ABLIM3: variants seen among roughly 807,000 people sequenced by gnomAD.
ABLIM3 encodes the protein actin-binding LIM protein 3.
ABLIM3 carries 61 observed loss-of-function variants against 109.5 expected under a neutral mutation model. That is an observed-to-expected ratio of 0.56 (90% CI 0.45 to 0.69). The LOEUF (loss-of-function observed/expected upper bound fraction) is 0.69, where lower values mean the gene tolerates loss of function less well. Ranked by LOEUF, ABLIM3 falls within the 30% of genes least tolerant of loss-of-function variation. ABLIM3 has a pLI of 0.00. For missense variants in ABLIM3, 796 were observed against 889.5 expected, an observed-to-expected ratio of 0.89 and a Z score of 1.34; for synonymous variants, 300 against 324.8, an observed-to-expected ratio of 0.92 and a Z score of 0.82.
chr5:149,202,621 A>T (rs1758594042), intron 5 of ABLIM3, among the ~76,000 whole-genome samples: 1 of 152,196 alleles, frequency 6.6e-6, no homozygotes, highest in African/African-American at 2.4e-5. Context: ...AGAACAAAAT[A>T]ATTGGGGTTT....
chr5:149,155,899 G>A (rs922301688), intron 2 of ABLIM3, among the ~76,000 whole-genome samples: 1 of 152,236 alleles, frequency 6.6e-6, no homozygotes, highest in Non-Finnish European at 1.5e-5. Flanking sequence ...TGAGGAGTCA[G>A]GAGAGGTTTG....
chr5:149,240,723 A>C lies in ABLIM3; in HGVS notation c.1252A>C (p.Arg418=). 6.2e-7 allele frequency: 1 copy of C among 1,614,120 alleles called. No individual in the cohort carries two copies. Among genetic ancestry groups the C allele is most frequent in the Non-Finnish European group, 8.5e-7 (1 of 1,180,028 alleles). The change falls in exon 14 of 24, where the codon AGG becomes CGG. Residue 418 remains arginine (R), a synonymous_variant. Transcript: ENST00000309868. ...SSPYHSQLDV[R]SSTPTSYQAP... ...TCCATACCATAGCCAGTTAGATGTG[A>C]GGTCCTCCACTCCAACCTCTTACCA...
intron 23 of ABLIM3, among the ~76,000 whole-genome samples, chr5:149,256,876 G>T (rs1754476416): frequency 6.6e-6 from 1 of 152,006 alleles, no homozygotes; most frequent in Non-Finnish European, 1.5e-5. Flanking sequence ...TTTTTTAATG[G>T]GGTTGACCAA....
At chr5:149,141,896 G>A in intron 1 of ABLIM3, 113 bp from the exon 2 acceptor site, 1 of 738,934 alleles carries the variant, frequency 1.4e-6, no homozygotes, top group East Asian at 2.5e-5. Flanking sequence ...GCGCCTATTA[G>A]TCCACGCGCC....
intron 7 of ABLIM3, among the ~76,000 whole-genome samples, chr5:149,215,964 C>T (rs1398305337): frequency 6.6e-6 from 1 of 152,120 alleles, no homozygotes; most frequent in African/African-American, 2.4e-5. Context: ...CTGTTTCTTC[C>T]CCCCATGGAA....
chr5:149,245,146 G>A (rs1753224280), intron 16 of ABLIM3, 131 bp downstream of exon 16: 3 of 1,267,540 alleles, frequency 2.4e-6, no homozygotes, highest in African/African-American at 3.0e-5. Flanking sequence ...ATAACTAAGG[G>A]TGTTTATTCA....
At chr5:149,212,771 G>A (rs977149559) in intron 7 of ABLIM3, among the ~76,000 whole-genome samples, 10 of 152,186 alleles carry the variant, frequency 6.6e-5, no homozygotes, top group African/African-American at 2.2e-4. Context: ...AACATGGCGA[G>A]TACCATTTAG....
chr5:149,251,311 C>T, intron 20 of ABLIM3, 48 bp from the exon 21 acceptor site: 2 of 1,610,314 alleles, frequency 1.2e-6, no homozygotes, highest in Non-Finnish European at 1.7e-6. Context: ...TTCAGGGAGG[C>T]AGAGGTGAGC....
intron 2 of ABLIM3, among the ~76,000 whole-genome samples, chr5:149,143,047 AT>A (rs1752627741): frequency 6.6e-6 from 1 of 152,086 alleles, no homozygotes; most frequent in Non-Finnish European, 1.5e-5. Context: ...GCTCATCTGT[AT>A]GATGAGAGGG....
At position 149,242,521 on chromosome 5, in the gene ABLIM3, C is replaced by T. The variant is rs774619099; in HGVS notation, c.1334C>T (p.Pro445Leu). The T allele has an allele frequency of 1.5e-5, 25 of 1,613,968 alleles. No homozygotes were observed. Among genetic ancestry groups the T allele is most frequent in the Non-Finnish European group, 1.8e-5 (21 of 1,180,018 alleles). The change falls in exon 15 of 24, where the codon CCG becomes CTG. Residue 445 changes from proline (P) to leucine (L), a missense_variant. Pro to Leu is a moderately conservative substitution (Grantham distance 98). Transcript: ENST00000309868. Reference sequence around the variant, plus strand: ...GACAGTAACATCTACCGGAAACCCCCGATCTACAAACGGCATGGTATGGTC... The same window carrying T: ...GACAGTAACATCTACCGGAAACCCCTGATCTACAAACGGCATGGTATGGTC... ...AGDSNIYRKP[P>L]IYKRHGDLST...
chr5:149,161,927 C>T (rs190678532), intron 2 of ABLIM3, among the ~76,000 whole-genome samples: 104 of 151,484 alleles, frequency 6.9e-4, no homozygotes, highest in Middle Eastern at 3.4e-3. Flanking sequence ...TGTGTGTGTG[C>T]GCCTATAGAG....
intron 2 of ABLIM3, among the ~76,000 whole-genome samples, chr5:149,179,725 A>G (rs947652533): frequency 6.6e-6 from 1 of 151,880 alleles, no homozygotes; most frequent in African/African-American, 2.4e-5. Flanking sequence ...ATCAGGCTGT[A>G]CTGTCATTAT....
At chr5:149,237,754 G>A (rs919818624) in intron 11 of ABLIM3, 151 bp downstream of exon 11, 12 of 1,044,786 alleles carry the variant, frequency 1.1e-5, no homozygotes, top group Non-Finnish European at 1.6e-5. Flanking sequence ...TTTTTTAAAT[G>A]AAGAGATTTC....
chr5:149,183,798 C>T (rs1489474619), intron 3 of ABLIM3, among the ~76,000 whole-genome samples: 1 of 152,126 alleles, frequency 6.6e-6, no homozygotes, highest in East Asian at 1.9e-4. Flanking sequence ...ATCCTGGTAA[C>T]CTTGGAGGGG....
At position 149,144,798 on chromosome 5, in the gene ABLIM3, A is replaced by G. The variant is rs1053670999; in HGVS notation, c.13+2690A>G. ...CATTTGACACTGAGTACAACTCCTA[A>G]TCAATGATTCAAATGTCAACACTGA... is the stretch of plus-strand genomic sequence containing the variant. On this transcript the variant is annotated intron_variant, in intron 2 of 23. Transcript: ENST00000309868. Among the ~76,000 whole-genome samples, 5 of 152,320 alleles carry G rather than the reference A, an allele frequency of 3.3e-5. No homozygotes were observed. In the South Asian group the frequency reaches 8.3e-4, roughly 25 times the overall value.
intron 3 of ABLIM3, among the ~76,000 whole-genome samples, chr5:149,196,096 G>T (rs980566816): frequency 6.6e-6 from 1 of 152,060 alleles, no homozygotes; most frequent in African/African-American, 2.4e-5. Context: ...GAGACCAGAG[G>T]TTGGGTGGTC....
chr5:149,200,330 T>C lies in ABLIM3; in HGVS notation c.350T>C (p.Ile117Thr), dbSNP rs774374268. The change falls in exon 5 of 24, where the codon ATT (isoleucine) becomes ACT (threonine). Residue 117 changes from isoleucine (I) to threonine (T), a missense_variant. Transcript: ENST00000309868. ...CCCACTTGCAGGAAGCCTTTCCCCA[T>C]TGGAGACAAGGTGACCTTCAGCGGT... Reference protein sequence around the residue: ...VCSLCRKPFPIGDKVTFSGKE... With the variant: ...VCSLCRKPFPTGDKVTFSGKE... 20 of 1,614,208 alleles carry C rather than the reference T, an allele frequency of 1.2e-5. No individual in the cohort carries two copies. Among genetic ancestry groups the C allele is most frequent in the South Asian group, 2.2e-5 (2 of 91,086 alleles).
chr5:149,196,734 A>G (rs746940414), intron 3 of ABLIM3, among the ~76,000 whole-genome samples: 3 of 152,184 alleles, frequency 2.0e-5, no homozygotes, highest in African/African-American at 4.8e-5. Context: ...GGGTTTCTAC[A>G]GTTCTGGTGG....
At chr5:149,208,168 C>A (rs960010824) in intron 6 of ABLIM3, among the ~76,000 whole-genome samples, 1 of 152,214 alleles carries the variant, frequency 6.6e-6, no homozygotes, top group Non-Finnish European at 1.5e-5. Context: ...TTCTTTAAGA[C>A]CTTTTTGATC....
Sources: allele counts gnomAD v4.1 joint callset (sites outside exome capture counted in the v4.1 genomes callset), GRCh38; gene constraint gnomAD v4.1.1; transcripts MANE v1.5; gene names NCBI Gene and HGNC (gene_info 2026-07-23, HGNC 2026-07-21).